CEP83: variants seen among roughly 807,000 people sequenced by gnomAD.
CEP83 encodes centrosomal protein of 83 kDa.
CEP83 carries 70 observed loss-of-function variants against 101.9 expected under a neutral mutation model. The ratio of observed to expected loss-of-function variants is 0.69; its 90% CI spans 0.57 to 0.84. CEP83 has a LOEUF of 0.84. Ranked by LOEUF, CEP83 falls within the 40% of genes least tolerant of loss-of-function variation. CEP83 has a pLI of 0.00. For missense variants in CEP83, 715 were observed against 787.2 expected (o/e 0.91, Z 1.10); for synonymous variants, 264 against 267.9 (o/e 0.99, Z 0.14).
the CEP83 span, among the ~76,000 whole-genome samples, chr12:94,280,569 C>A: frequency 2.6e-5 from 4 of 152,214 alleles, no homozygotes; most frequent in Admixed American, 6.5e-5. Flanking sequence ...GAAAGCAGGG[C>A]TGCTAAGGCA....
At chr12:94,325,037 G>A (rs1265917636) in intron 14 of CEP83, among the ~76,000 whole-genome samples, 3 of 151,962 alleles carry the variant, frequency 2.0e-5, no homozygotes, top group African/African-American at 7.2e-5. Context: ...ATTCCCTCTG[G>A]AACACCCTTA....
the CEP83 span, among the ~76,000 whole-genome samples, chr12:94,280,523 T>C: frequency 2.0e-4 from 30 of 152,312 alleles, no homozygotes; most frequent in African/African-American, 7.2e-4. Flanking sequence ...TTTGAGACCA[T>C]GCAAATGTGG....
At chr12:94,453,472 T>A (rs933009064) in intron 1 of CEP83, among the ~76,000 whole-genome samples, 1 of 152,222 alleles carries the variant, frequency 6.6e-6, no homozygotes, top group South Asian at 2.1e-4. Flanking sequence ...CACATTCTTA[T>A]CTATCCTTAT....
At chr12:94,302,252 C>T (rs1968542551), downstream of CEP83, among the ~76,000 whole-genome samples, 1 of 152,196 alleles carries the variant, frequency 6.6e-6, no homozygotes, top group South Asian at 2.1e-4. Context: ...ACCCACTGTG[C>T]TACAGCTTTT....
intron 6 of CEP83, among the ~76,000 whole-genome samples, chr12:94,391,224 A>G (rs1282964658): frequency 6.6e-6 from 1 of 152,210 alleles, no homozygotes; most frequent in East Asian, 1.9e-4. Context: ...GGGCAGGCAG[A>G]GAGAAAGGTT....
At chr12:94,275,891 G>A in the CEP83 span, among the ~76,000 whole-genome samples, 1 of 147,100 alleles carries the variant, frequency 6.8e-6, no homozygotes, top group Non-Finnish European at 1.5e-5. Context: ...AGAAACTGCT[G>A]TTTGAGCACT....
At chr12:94,408,606 G>T (rs1218141775) in intron 4 of CEP83, among the ~76,000 whole-genome samples, 2 of 151,764 alleles carry the variant, frequency 1.3e-5, no homozygotes, top group Non-Finnish European at 2.9e-5. Flanking sequence ...TTGAGTCAGG[G>T]TCTCGCGCTG....
At chr12:94,449,862 A>G (rs1384418091) in intron 1 of CEP83, among the ~76,000 whole-genome samples, 1 of 151,556 alleles carries the variant, frequency 6.6e-6, no homozygotes, top group Non-Finnish European at 1.5e-5. Flanking sequence ...GGTGGGTTTA[A>G]TCTCCAACAA....
At chr12:94,384,075 A>G (rs536310538) in intron 6 of CEP83, among the ~76,000 whole-genome samples, 1 of 152,206 alleles carries the variant, frequency 6.6e-6, no homozygotes, top group East Asian at 1.9e-4. Flanking sequence ...ATACTTTGAG[A>G]TTCCTTCTTT....
At chr12:94,413,301 C>A (rs1174710360) in intron 2 of CEP83, among the ~76,000 whole-genome samples, 1 of 152,234 alleles carries the variant, frequency 6.6e-6, no homozygotes, top group East Asian at 1.9e-4. Flanking sequence ...AAAATCACAT[C>A]TTCAAGTATT....
At chr12:94,424,649 G>A (rs2065042831) in intron 2 of CEP83, 6 of 1,613,620 alleles carry the variant, frequency 3.7e-6, no homozygotes, top group African/African-American at 2.7e-5. Flanking sequence ...TGCTGCTGAA[G>A]GGCTGTCAAA....
chr12:94,407,748 C>G (rs1004322707), intron 4 of CEP83, among the ~76,000 whole-genome samples: 2 of 152,210 alleles, frequency 1.3e-5, no homozygotes, highest in Non-Finnish European at 2.9e-5. Context: ...AACCAAGACA[C>G]CGACTGAATT....
At position 94,338,189 on chromosome 12, in the gene CEP83, T is replaced by C. The variant is rs1481962711; in HGVS notation, c.1344-2525A>G. On this transcript the variant is annotated intron_variant, in intron 11 of 16. Transcript: ENST00000397809. ...AGATAAAAGAATGCCAGAGTGCAGA[T>C]AGAATAAACTGTAAGGCTAAGGTGT... Among the ~76,000 whole-genome samples the C allele has an allele frequency of 3.3e-5, 5 of 152,272 alleles. No individual in the cohort carries two copies. The South Asian group carries it at 6.2e-4, about 19-fold the overall frequency.
At chr12:94,282,369 A>C in the CEP83 span, 1 of 1,613,596 alleles carries the variant, frequency 6.2e-7, no homozygotes, top group Admixed American at 1.7e-5. Context: ...TGAAGATGGA[A>C]TCACCAAGCT....
chr12:94,441,725 C>T (rs990549731), intron 1 of CEP83, among the ~76,000 whole-genome samples: 1 of 152,078 alleles, frequency 6.6e-6, no homozygotes, highest in Non-Finnish European at 1.5e-5. Context: ...ACCATCTTGA[C>T]TAACATGGTA....
chr12:94,270,963 A>G, the CEP83 span, among the ~76,000 whole-genome samples: 1 of 152,136 alleles, frequency 6.6e-6, no homozygotes, highest in Non-Finnish European at 1.5e-5. Context: ...AGAATGTCCC[A>G]GGGCTGCTGA....
the CEP83 span, among the ~76,000 whole-genome samples, chr12:94,287,300 G>A: frequency 3.3e-5 from 5 of 152,196 alleles, no homozygotes; most frequent in South Asian, 2.1e-4. Context: ...TTCTGTGTGC[G>A]TTGACTATGA....
the CEP83 span, among the ~76,000 whole-genome samples, chr12:94,285,130 G>A: frequency 1.3e-5 from 2 of 152,234 alleles, no homozygotes; most frequent in South Asian, 2.1e-4. Flanking sequence ...GGATGACTGT[G>A]CAGATGCCTG....
intron 6 of CEP83, among the ~76,000 whole-genome samples, chr12:94,395,638 A>G (rs943978474): frequency 1.3e-5 from 2 of 152,274 alleles, no homozygotes; most frequent in African/African-American, 4.8e-5. Context: ...CCTGCCTAAC[A>G]CAGTGAAACC....
Sources: gnomAD v4.1 joint callset for allele counts (sites outside exome capture counted in the v4.1 genomes callset) on GRCh38, gnomAD v4.1.1 for gene constraint, MANE v1.5 for transcripts, NCBI Gene and HGNC (gene_info 2026-07-23, HGNC 2026-07-21) for gene names.